The following VSTM2L variants were observed in gnomAD, a reference collection of about 807,000 sequenced individuals.
VSTM2L encodes V-set and transmembrane domain containing 2 like.
Under a neutral mutation model 19.9 loss-of-function variants are expected in VSTM2L, and 9 were observed. That is an observed-to-expected ratio of 0.45 (90% CI 0.27 to 0.79). VSTM2L has a LOEUF of 0.79. VSTM2L is among the 30% of genes least tolerant of loss of function. VSTM2L has a pLI of 0.15. For missense variants in VSTM2L, 286 were observed against 295.5 expected (o/e 0.97, Z 0.24); for synonymous variants, 127 against 133.8 (o/e 0.95, Z 0.35).
At chr20:37,936,794 G>A (rs2072943247) in intron 3 of VSTM2L, among the ~76,000 whole-genome samples, 2 of 152,126 alleles carry the variant, frequency 1.3e-5, no homozygotes, top group Admixed American at 6.6e-5. Flanking sequence ...AAAACGCTTT[G>A]GAAACTGTAA....
At chr20:37,917,693 G>A (rs979881777) in intron 1 of VSTM2L, among the ~76,000 whole-genome samples, 3 of 152,254 alleles carry the variant, frequency 2.0e-5, no homozygotes, top group East Asian at 1.9e-4. Context: ...GTGCCCGACC[G>A]TCCCCCTGGC....
intron 3 of VSTM2L, among the ~76,000 whole-genome samples, chr20:37,936,241 C>T (rs1404795510): frequency 2.0e-5 from 3 of 151,860 alleles, no homozygotes; most frequent in African/African-American, 4.9e-5. Context: ...GGTGACATGA[C>T]GTGAACGAGT....
chr20:37,944,413 C>T lies in VSTM2L; in HGVS notation c.*160C>T. On this transcript the variant is annotated 3_prime_UTR_variant, in exon 4 of 4. Transcript: ENST00000373461. ...CCTCTTTCCACCACCCCTTGCTCAG[C>T]ATGTAAGCCCCACCCACCCCTGCCC... 8.0e-7 allele frequency: 1 copy of T among 1,246,856 alleles called. No homozygotes were observed. Among genetic ancestry groups the T allele is most frequent in the Non-Finnish European group, 1.0e-6 (1 of 963,116 alleles). The allele number at this position is 1,246,856 out of a possible 1,614,324, so 77.2% of individuals were successfully genotyped here.
chr20:37,945,140 A>G lies in VSTM2L; in HGVS notation c.*887A>G, dbSNP rs1310768537. 3.0e-6 allele frequency: 3 copies of G among 985,508 alleles called. No individual in the cohort carries two copies. The East Asian group carries it at 3.4e-4, about 112-fold the overall frequency. 61.0% of individuals were successfully genotyped at this position (985,508 alleles called of 1,614,324 possible). On this transcript the variant is annotated 3_prime_UTR_variant, in exon 4 of 4. Coordinates refer to ENST00000373461, the MANE Select transcript of VSTM2L (RefSeq NM_080607.3). ...GTACTCAGTTCCCTCACGATTCCCG[A>G]TCACGGGCACACCTGCCCCCTGGTT...
intron 1 of VSTM2L, among the ~76,000 whole-genome samples, chr20:37,921,016 A>T (rs2072847693): frequency 6.6e-6 from 1 of 152,120 alleles, no homozygotes; most frequent in African/African-American, 2.4e-5. Context: ...CTGACCTGGG[A>T]GAGTTCCCAG....
At position 37,920,107 on chromosome 20, in the gene VSTM2L, GC is replaced by G. The variant is rs201829111; in HGVS notation, c.122-11523del. On this transcript the variant is annotated intron_variant, in intron 1 of 3. Coordinates refer to ENST00000373461, the MANE Select transcript of VSTM2L (RefSeq NM_080607.3). ...GGCAGTGGCTGCAGAGGCTGTCGAT[GC>G]CCCCTTACTCTGTCTTCATCACTGC... 8.8e-3 allele frequency among the ~76,000 whole-genome samples: 1,345 copies of G among 152,284 alleles called. 16 individuals carry two copies. The highest frequency in any genetic ancestry group is 0.031 in the African/African-American group (1,271 of 41,540).
intron 1 of VSTM2L, among the ~76,000 whole-genome samples, chr20:37,912,076 A>AC (rs1243457839): frequency 6.6e-6 from 1 of 152,110 alleles, no homozygotes; most frequent in Non-Finnish European, 1.5e-5. Flanking sequence ...TTTACTCCCC[A>AC]CCATGCTAGG....
intron 3 of VSTM2L, among the ~76,000 whole-genome samples, chr20:37,936,973 C>T (rs374521501): frequency 9.9e-5 from 15 of 151,656 alleles, no homozygotes; most frequent in African/African-American, 1.7e-4. Context: ...GTAATCCCAG[C>T]GCTTTGGGAA....
intron 1 of VSTM2L, 54 bp from the exon 2 acceptor site, chr20:37,931,581 A>C (rs1263671775): frequency 9.4e-6 from 14 of 1,492,998 alleles, no homozygotes; most frequent in South Asian, 7.7e-5. Flanking sequence ...TCCTTCACCC[A>C]CTAGCCCCGT....
chr20:37,931,853 C>G (rs1400960660), intron 2 of VSTM2L, 49 bp downstream of exon 2: 1 of 1,579,032 alleles, frequency 6.3e-7, no homozygotes, highest in South Asian at 1.1e-5. Flanking sequence ...AGTCCTGGTC[C>G]CTGGGGTAGG....
At chr20:37,915,746 CAT>C (rs1207510416) in intron 1 of VSTM2L, among the ~76,000 whole-genome samples, 1 of 151,714 alleles carries the variant, frequency 6.6e-6, no homozygotes, top group African/African-American at 2.4e-5. Flanking sequence ...GGGGCTGGGG[CAT>C]GTACTAGGTC....
intron 1 of VSTM2L, among the ~76,000 whole-genome samples, chr20:37,914,027 A>G (rs2072795637): frequency 6.6e-6 from 1 of 150,956 alleles, no homozygotes; most frequent in African/African-American, 2.4e-5. Context: ...GTTTGGTGTG[A>G]GCCTTGCTGA....
Position 37,942,875 on chromosome 20 carries a change from C to G in VSTM2L, c.343-1106C>G, listed in dbSNP as rs146710077. ...AATATAACAAACATCCTTGCTCCCC[C>G]CAAGTGGAGTGAATAGTTATTAGCA... On this transcript the variant is annotated intron_variant, in intron 3 of 3. Coordinates refer to ENST00000373461, the MANE Select transcript of VSTM2L (RefSeq NM_080607.3). Among the ~76,000 whole-genome samples the G allele has an allele frequency of 1.0e-3, 157 of 152,370 alleles. 1 individual carries two copies. Among genetic ancestry groups the G allele is most frequent in the African/African-American group, 3.5e-3 (147 of 41,592 alleles).
intron 1 of VSTM2L, among the ~76,000 whole-genome samples, chr20:37,928,685 G>A (rs982761794): frequency 1.3e-5 from 2 of 152,146 alleles, no homozygotes; most frequent in African/African-American, 4.8e-5. Flanking sequence ...TGCCCCGGAG[G>A]TCAAGGCTGC....
At chr20:37,916,119 G>A (rs1473157873) in intron 1 of VSTM2L, among the ~76,000 whole-genome samples, 1 of 152,196 alleles carries the variant, frequency 6.6e-6, no homozygotes, top group Non-Finnish European at 1.5e-5. Context: ...TATGCGCCTC[G>A]GCTTTGGGAT....
chr20:37,912,864 C>G (rs531568808), intron 1 of VSTM2L, among the ~76,000 whole-genome samples: 2 of 152,168 alleles, frequency 1.3e-5, no homozygotes, highest in African/African-American at 2.4e-5. Flanking sequence ...CTCTCTCCCC[C>G]TCTCTCTCTG....
chr20:37,909,785 A>C (rs1471989568), intron 1 of VSTM2L, among the ~76,000 whole-genome samples: 2 of 152,156 alleles, frequency 1.3e-5, no homozygotes, highest in Admixed American at 6.5e-5. Flanking sequence ...CCTGACCCTG[A>C]TGAGGCACTT....
At chr20:37,910,752 C>CA (rs112717420) in intron 1 of VSTM2L, among the ~76,000 whole-genome samples, 21,353 of 150,380 alleles carry the variant, frequency 0.14, 2,099 homozygotes, top group African/African-American at 0.27. Context: ...GTCTCTCAAA[C>CA]AAAAAAAATA....
chr20:37,934,970 C>T (rs952783712), intron 3 of VSTM2L, among the ~76,000 whole-genome samples: 6 of 152,268 alleles, frequency 3.9e-5, no homozygotes, highest in East Asian at 1.9e-4. Context: ...TCGAACACCC[C>T]GTTTCTGGCC....
Sources: allele counts gnomAD v4.1 joint callset (sites outside exome capture counted in the v4.1 genomes callset), GRCh38; gene constraint gnomAD v4.1.1; transcripts MANE v1.5; gene names NCBI Gene and HGNC (gene_info 2026-07-23, HGNC 2026-07-21).